Variants in FAXC observed in about 807,000 individuals in gnomAD.
FAXC encodes the protein failed axon connections homolog, metaxin like GST domain containing.
A neutral mutation model predicts 41.9 loss-of-function variants in FAXC; 10 were observed. The observed-to-expected ratio is 0.24, with a 90% CI of 0.15 to 0.41. The LOEUF is 0.41. Among genes scored for constraint, FAXC ranks in the 10% least tolerant of loss-of-function variants. FAXC has a pLI of 1.00. For synonymous variants in FAXC, 183 were observed against 183.8 expected (o/e 1.00, Z 0.03); for missense variants, 399 against 510.9 (o/e 0.78, Z 2.11).
At chr6:99,296,089 T>C (rs1771485200) in intron 4 of FAXC, among the ~76,000 whole-genome samples, 1 of 152,232 alleles carries the variant, frequency 6.6e-6, no homozygotes, top group Non-Finnish European at 1.5e-5. Flanking sequence ...TTCTATAGGT[T>C]ATAATCCAAT....
chr6:99,275,294 A>G lies in FAXC; in HGVS notation c.*5870T>C, dbSNP rs917740196. On this transcript the variant is annotated 3_prime_UTR_variant, in exon 6 of 6. Coordinates refer to ENST00000389677, the MANE Select transcript of FAXC (RefSeq NM_032511.4). ...ATTGTTTCAAAAATGCATGATGGCCATTAAATTCTTTGCTAAAATTATTGT... is the reference window on the plus strand; with the variant it reads ...ATTGTTTCAAAAATGCATGATGGCCGTTAAATTCTTTGCTAAAATTATTGT... 1.3e-5 allele frequency: 2 copies of G among 152,224 alleles called. No homozygotes were observed. Among genetic ancestry groups the G allele is most frequent in the African/African-American group, 4.8e-5 (2 of 41,466 alleles). 9.4% of individuals were successfully genotyped at this position (152,224 alleles called of 1,614,324 possible).
chr6:99,349,019 G>C, intron 1 of FAXC, 88 bp downstream of exon 1: 1 of 1,310,386 alleles, frequency 7.6e-7, no homozygotes. Context: ...CTTGACCGAG[G>C]GGCTGGCACG....
At position 99,288,865 on chromosome 6, in the gene FAXC, C is replaced by CACACAT. The variant is rs1223762286; in HGVS notation, c.940+2838_940+2839insATGTGT. ...ATGAATCGACACACACACATACACA[C>CACACAT]ACACACACACACACACACACAGAGC... On this transcript the variant is annotated intron_variant, in intron 5 of 5. Transcript: ENST00000389677. Among the ~76,000 whole-genome samples the CACACAT allele has an allele frequency of 8.6e-5, 13 of 151,706 alleles. No individual in the cohort carries two copies. The East Asian group carries it at 2.5e-3, about 29-fold the overall frequency.
At chr6:99,285,750 C>T (rs1391028554) in intron 5 of FAXC, among the ~76,000 whole-genome samples, 1 of 152,182 alleles carries the variant, frequency 6.6e-6, no homozygotes, top group Non-Finnish European at 1.5e-5. Flanking sequence ...CGAATGCCCC[C>T]CTACCCAGAA....
At chr6:99,340,803 G>C (rs1773401103) in intron 2 of FAXC, among the ~76,000 whole-genome samples, 1 of 151,164 alleles carries the variant, frequency 6.6e-6, no homozygotes, top group Admixed American at 6.6e-5. Flanking sequence ...CAAGTAGCTG[G>C]GATTACAGGT....
intron 4 of FAXC, among the ~76,000 whole-genome samples, chr6:99,299,122 C>T (rs1270413521): frequency 6.6e-6 from 1 of 152,158 alleles, no homozygotes; most frequent in Non-Finnish European, 1.5e-5. Flanking sequence ...TCCTAGTCTC[C>T]ACTAACATAC....
At chr6:99,324,771 T>C (rs1772732895) in intron 3 of FAXC, among the ~76,000 whole-genome samples, 3 of 152,240 alleles carry the variant, frequency 2.0e-5, no homozygotes, top group African/African-American at 7.2e-5. Flanking sequence ...AGAATGCAGC[T>C]GTGTGCGAGT....
At chr6:99,319,180 G>T (rs956025379) in intron 4 of FAXC, among the ~76,000 whole-genome samples, 2 of 152,040 alleles carry the variant, frequency 1.3e-5, no homozygotes, top group Non-Finnish European at 2.9e-5. Flanking sequence ...GGCGGATCAC[G>T]AGGTCGAGAG....
intron 3 of FAXC, among the ~76,000 whole-genome samples, chr6:99,324,280 G>A (rs1047897481): frequency 6.6e-6 from 1 of 151,904 alleles, no homozygotes; most frequent in Non-Finnish European, 1.5e-5. Context: ...TGCCCAAGCT[G>A]GACTCTATAA....
At chr6:99,302,393 C>T (rs1771747208) in intron 4 of FAXC, among the ~76,000 whole-genome samples, 1 of 152,194 alleles carries the variant, frequency 6.6e-6, no homozygotes, top group Non-Finnish European at 1.5e-5. Flanking sequence ...CAGTGGCTCA[C>T]ACCTGTAATC....
At chr6:99,335,168 T>C (rs1773172268) in intron 2 of FAXC, among the ~76,000 whole-genome samples, 1 of 152,200 alleles carries the variant, frequency 6.6e-6, no homozygotes, top group Non-Finnish European at 1.5e-5. Context: ...TGGCCTTACC[T>C]CTAGACCACC....
intron 1 of FAXC, among the ~76,000 whole-genome samples, chr6:99,346,072 T>C (rs1214218354): frequency 6.6e-6 from 1 of 152,238 alleles, no homozygotes; most frequent in Non-Finnish European, 1.5e-5. Flanking sequence ...GGGGAAGAGT[T>C]TGCAATAGCC....
chr6:99,346,697 G>A (rs9494178), intron 1 of FAXC, among the ~76,000 whole-genome samples: 3,788 of 152,090 alleles, frequency 0.025, 181 homozygotes, highest in African/African-American at 0.087. Flanking sequence ...GCCGCGCGCC[G>A]GGCCAAAGTA....
chr6:99,303,646 A>C (rs1771800791), intron 4 of FAXC, among the ~76,000 whole-genome samples: 1 of 152,230 alleles, frequency 6.6e-6, no homozygotes, highest in Admixed American at 6.5e-5. Context: ...GTCTAATGCA[A>C]CAAGACTTCT....
chr6:99,321,129 C>G lies in FAXC; in HGVS notation c.823+2315G>C, dbSNP rs534607425. ...CCTCTCCTGGTTTACAGCCTCATCA[C>G]CCCCTGGACTATAAGCTAGTTGAGA... is the stretch of plus-strand genomic sequence containing the variant. On this transcript the variant is annotated intron_variant, in intron 4 of 5. Transcript: ENST00000389677. 3.9e-5 allele frequency among the ~76,000 whole-genome samples: 6 copies of G among 152,324 alleles called. No homozygotes were observed. The South Asian group carries it at 1.0e-3, about 26-fold the overall frequency.
At chr6:99,349,918 C>G (rs1406409268), upstream of FAXC, 3 of 152,100 alleles carry the variant, frequency 2.0e-5, no homozygotes, top group Non-Finnish European at 2.9e-5. Context: ...AAGCTGCAGT[C>G]GGGGCCCGGA....
At chr6:99,322,593 T>G (rs1772632157) in intron 4 of FAXC, among the ~76,000 whole-genome samples, 1 of 152,206 alleles carries the variant, frequency 6.6e-6, no homozygotes, top group South Asian at 2.1e-4. Context: ...AAGGACCTGG[T>G]CAGATGACCT....
At chr6:99,347,243 A>G (rs1016492267) in intron 1 of FAXC, among the ~76,000 whole-genome samples, 3 of 152,144 alleles carry the variant, frequency 2.0e-5, no homozygotes, top group African/African-American at 7.2e-5. Flanking sequence ...CTCTACTAAA[A>G]ATACAAAAAT....
chr6:99,286,276 G>C (rs935303744), intron 5 of FAXC, among the ~76,000 whole-genome samples: 1 of 152,082 alleles, frequency 6.6e-6, no homozygotes, highest in African/African-American at 2.4e-5. Flanking sequence ...TTGTCTCCTC[G>C]AAGCTAAAAA....
Sources: gnomAD v4.1 joint callset for allele counts (sites outside exome capture counted in the v4.1 genomes callset) on GRCh38, gnomAD v4.1.1 for gene constraint, MANE v1.5 for transcripts, NCBI Gene and HGNC (gene_info 2026-07-23, HGNC 2026-07-21) for gene names.